Variants in DCDC1 observed in about 807,000 individuals in gnomAD.
DCDC1 encodes the protein doublecortin domain containing 1.
In DCDC1, 200 loss-of-function variants were observed where a neutral mutation model predicts 178.3. The observed-to-expected ratio is 1.12, with a 90% CI of 1.00 to 1.26. DCDC1 has a LOEUF of 1.26. Ranked by LOEUF, DCDC1 falls within the 50% of genes most tolerant of loss-of-function variation. DCDC1 has a pLI of 0.00. For missense variants in DCDC1, 1,983 were observed against 1,749.2 expected (o/e 1.13, Z -2.38); for synonymous variants, 690 against 604.8 (o/e 1.14, Z -2.07).
At chr11:31,230,293 G>A (rs1180264298) in intron 9 of DCDC1, among the ~76,000 whole-genome samples, 1 of 151,074 alleles carries the variant, frequency 6.6e-6, no homozygotes, top group Admixed American at 6.6e-5. Context: ...TGGGTAAATG[G>A]GTGAATGTAA....
At chr11:30,888,026 G>A (rs532517098) in intron 36 of DCDC1, among the ~76,000 whole-genome samples, 1 of 136,764 alleles carries the variant, frequency 7.3e-6, no homozygotes, top group East Asian at 2.0e-4. Flanking sequence ...AAGAAAGAGA[G>A]AGAGAGAGAA....
At chr11:31,332,871 G>C (rs7926764) in intron 2 of DCDC1, among the ~76,000 whole-genome samples, 58,710 of 152,022 alleles carry the variant, frequency 0.39, 11,743 homozygotes, top group African/African-American at 0.46. Flanking sequence ...ATCTGGGGTG[G>C]AGAGTTCTGT....
At chr11:30,948,360 C>A (rs914944935) in intron 21 of DCDC1, among the ~76,000 whole-genome samples, 8 of 152,080 alleles carry the variant, frequency 5.3e-5, no homozygotes, top group Admixed American at 2.6e-4. Context: ...AGAGAGGACA[C>A]AAACAAATGG....
At chr11:30,888,366 A>C (rs753630924) in intron 36 of DCDC1, among the ~76,000 whole-genome samples, 5 of 152,220 alleles carry the variant, frequency 3.3e-5, no homozygotes, top group Non-Finnish European at 7.3e-5. Context: ...AAAAAGAAAA[A>C]AATAGACGTT....
intron 9 of DCDC1, among the ~76,000 whole-genome samples, chr11:31,190,157 G>A (rs565932443): frequency 5.3e-5 from 8 of 152,112 alleles, no homozygotes; most frequent in African/African-American, 1.2e-4. Flanking sequence ...TTTACCTCAC[G>A]AGTCAGCTAG....
rs202025071 is a variant in DCDC1, at chr11:30,886,538, A to AAGTTT, written c.5083-5231_5083-5230insAAACT. 4.4e-3 allele frequency among the ~76,000 whole-genome samples: 673 copies of AAGTTT among 152,224 alleles called. 2 individuals are homozygous for AAGTTT. Among genetic ancestry groups the AAGTTT allele is most frequent in the African/African-American group, 0.016 (653 of 41,538 alleles). On this transcript the variant is annotated intron_variant, in intron 36 of 38. Transcript: ENST00000684477. ...ATCATTTTCTAACTTGTAGACAGCC[A>AAGTTT]TCTCCTTGTTGTGTCCTGATATGGC...
At chr11:31,000,938 TAA>T (rs1178895065) in intron 20 of DCDC1, among the ~76,000 whole-genome samples, 1 of 152,206 alleles carries the variant, frequency 6.6e-6, no homozygotes, top group Admixed American at 6.5e-5. Flanking sequence ...TACAAATTTG[TAA>T]AGAGATAACT....
chr11:31,220,394 T>C (rs1188064987), intron 9 of DCDC1, among the ~76,000 whole-genome samples: 1 of 152,200 alleles, frequency 6.6e-6, no homozygotes, highest in Non-Finnish European at 1.5e-5. Context: ...TTTCCAAAAA[T>C]TTAAATTCAC....
chr11:30,915,840 A>AT, intron 26 of DCDC1, 129 bp from the exon 27 acceptor site: 9 of 849,924 alleles, frequency 1.1e-5, no homozygotes, highest in South Asian at 1.7e-5. Flanking sequence ...TTGAAATGAT[A>AT]GACCATATCA....
chr11:31,329,361 C>T (rs1949833528), intron 2 of DCDC1, among the ~76,000 whole-genome samples: 1 of 151,422 alleles, frequency 6.6e-6, no homozygotes, highest in Non-Finnish European at 1.5e-5. Context: ...AATTTTCTTT[C>T]TTTGCTTAAG....
chr11:31,203,780 G>A (rs1426727811), intron 9 of DCDC1, among the ~76,000 whole-genome samples: 1 of 151,938 alleles, frequency 6.6e-6, no homozygotes, highest in Non-Finnish European at 1.5e-5. Context: ...TAAAATTTTA[G>A]AAGCACTCAT....
intron 20 of DCDC1, among the ~76,000 whole-genome samples, chr11:31,003,593 T>G (rs1275920407): frequency 6.6e-6 from 1 of 152,156 alleles, no homozygotes; most frequent in Non-Finnish European, 1.5e-5. Flanking sequence ...ATAAGTAGGA[T>G]TTAATGAAAA....
chr11:31,298,432 C>T (rs1366329496), intron 6 of DCDC1, among the ~76,000 whole-genome samples: 2 of 152,104 alleles, frequency 1.3e-5, no homozygotes, highest in Admixed American at 6.5e-5. Context: ...CAGGTGGTGA[C>T]TGGACTCTAG....
intron 7 of DCDC1, among the ~76,000 whole-genome samples, chr11:31,266,209 T>C (rs1338350200): frequency 6.6e-6 from 1 of 152,188 alleles, no homozygotes; most frequent in Non-Finnish European, 1.5e-5. Flanking sequence ...TTTCCATGAA[T>C]ATGAGTCTCA....
At chr11:31,281,593 G>C (rs1423916463) in intron 7 of DCDC1, among the ~76,000 whole-genome samples, 5 of 152,008 alleles carry the variant, frequency 3.3e-5, no homozygotes, top group Non-Finnish European at 7.4e-5. Flanking sequence ...GTTTGGCTCT[G>C]TGTCCCCACC....
chr11:31,340,303 G>A (rs1193677607), intron 1 of DCDC1, among the ~76,000 whole-genome samples: 2 of 152,158 alleles, frequency 1.3e-5, no homozygotes, highest in Non-Finnish European at 2.9e-5. Context: ...GACCTTGGAA[G>A]AAAATGACTG....
intron 26 of DCDC1, 116 bp downstream of exon 26, chr11:30,916,754 T>G: frequency 8.5e-7 from 1 of 1,177,788 alleles, no homozygotes; most frequent in Non-Finnish European, 1.1e-6. Context: ...AAAATGTGCA[T>G]GTTGATAGAA....
At chr11:31,283,072 C>T (rs1946561699) in intron 7 of DCDC1, among the ~76,000 whole-genome samples, 1 of 152,118 alleles carries the variant, frequency 6.6e-6, no homozygotes, top group Admixed American at 6.6e-5. Flanking sequence ...TATCTTTCTA[C>T]CAGAGGTGCA....
In DCDC1 at chr11:30,938,501, C is replaced by T. The variant is rs554482520; in HGVS notation, c.2716-6549G>A. On this transcript the variant is annotated intron_variant, in intron 21 of 38. Transcript: ENST00000684477. ...TCTGGCCCTCTACATTTGCTGTTTC[C>T]TCCCCTTTCTCTTTCTGATTTCCTT... 2.1e-4 allele frequency among the ~76,000 whole-genome samples: 32 copies of T among 152,278 alleles called. No individual in the cohort carries two copies. In the East Asian group the frequency reaches 2.7e-3, roughly 13 times the overall value.
Sources: allele counts gnomAD v4.1 joint callset (sites outside exome capture counted in the v4.1 genomes callset), GRCh38; gene constraint gnomAD v4.1.1; transcripts MANE v1.5; gene names NCBI Gene and HGNC (gene_info 2026-07-23, HGNC 2026-07-21).